EIPR1: variants seen among roughly 807,000 people sequenced by gnomAD.
EIPR1 encodes EARP and GARP complex-interacting protein 1.
EIPR1 carries 25 observed loss-of-function variants against 48.1 expected under a neutral mutation model. That is an observed-to-expected ratio of 0.52 (90% CI 0.38 to 0.73). EIPR1 has a LOEUF of 0.73. EIPR1 is among the 30% of genes least tolerant of loss of function. The probability of loss-of-function intolerance (pLI) is 0.00; values close to 1 mark genes in which losing one functional copy is unlikely to be tolerated. For synonymous variants in EIPR1, 204 were observed against 201.9 expected, an observed-to-expected ratio of 1.01 and a Z score of -0.09; for missense variants, 415 against 506.2, an observed-to-expected ratio of 0.82 and a Z score of 1.73.
chr2:3,293,384 G>A (rs924490534), intron 3 of EIPR1, among the ~76,000 whole-genome samples: 1 of 152,212 alleles, frequency 6.6e-6, no homozygotes, highest in Admixed American at 6.5e-5. Flanking sequence ...TAGCCTGTGA[G>A]TCCATGCGTG....
intron 1 of EIPR1, among the ~76,000 whole-genome samples, chr2:3,355,848 ATAAT>A (rs1419976421): frequency 6.6e-6 from 1 of 152,074 alleles, no homozygotes; most frequent in African/African-American, 2.4e-5. Context: ...AAATGAATAA[ATAAT>A]TAAAATAGCC....
At chr2:3,366,400 A>G (rs1200251872) in intron 1 of EIPR1, among the ~76,000 whole-genome samples, 1 of 152,238 alleles carries the variant, frequency 6.6e-6, no homozygotes, top group African/African-American at 2.4e-5. Context: ...GACGGAAATT[A>G]AAACTTCCAG....
chr2:3,262,608 G>A (rs1376955820), intron 3 of EIPR1, among the ~76,000 whole-genome samples: 2 of 152,210 alleles, frequency 1.3e-5, no homozygotes, highest in African/African-American at 2.4e-5. Context: ...TTCTGGGGAC[G>A]CCTAGTAGAC....
intron 5 of EIPR1, among the ~76,000 whole-genome samples, chr2:3,197,866 G>A (rs1329380165): frequency 6.6e-6 from 1 of 152,246 alleles, no homozygotes; most frequent in Non-Finnish European, 1.5e-5. Context: ...AGCCCTCTGA[G>A]AGGAGCCTGA....
chr2:3,299,450 G>C (rs1348533682), intron 3 of EIPR1, among the ~76,000 whole-genome samples: 1 of 152,122 alleles, frequency 6.6e-6, no homozygotes, highest in African/African-American at 2.4e-5. Flanking sequence ...ACTGGGCGCG[G>C]CCTTGTTACG....
chr2:3,287,842 A>AG lies in EIPR1; in HGVS notation c.260-30388_260-30387insC, dbSNP rs1179826727. Reference sequence around the variant, plus strand: ...TCACCATGCTCCAGAAAGCTCATTCACCATGCTCCAGAAAGCTCATTCACC... The same window carrying AG: ...TCACCATGCTCCAGAAAGCTCATTCAGCCATGCTCCAGAAAGCTCATTCACC... On this transcript the variant is annotated intron_variant, in intron 3 of 8. Transcript: ENST00000382125. Among the ~76,000 whole-genome samples the AG allele has an allele frequency of 3.6e-3, 549 of 151,906 alleles. 4 individuals carry two copies. The highest frequency in any genetic ancestry group is 0.012 in the African/African-American group (507 of 41,194).
chr2:3,240,596 A>C (rs1383636088), intron 4 of EIPR1, among the ~76,000 whole-genome samples: 41 of 118,962 alleles, frequency 3.4e-4, no homozygotes, highest in Middle Eastern at 5.7e-3. Context: ...CTTCCTAAAG[A>C]AAAGCCAGCA....
chr2:3,229,471 T>C (rs1038067063), intron 4 of EIPR1, among the ~76,000 whole-genome samples: 1 of 152,254 alleles, frequency 6.6e-6, no homozygotes, highest in Non-Finnish European at 1.5e-5. Context: ...GCTTTGAGCT[T>C]GGCAAGCATG....
In EIPR1 at chr2:3,189,420, G is replaced by A. The variant is rs1419503077; in HGVS notation, c.1078C>T (p.Pro360Ser). Residue 360 changes from proline (P) to serine (S), a missense_variant, in exon 9 of 9, where the codon CCG becomes TCG. Coordinates refer to ENST00000382125, the MANE Select transcript of EIPR1 (RefSeq NM_003310.5). This position sits in a 1 kb window ranked among gnomAD's most constrained non-coding sequence, Gnocchi z 4.6. ...VYAVDWSSADPWLFASLSYDG... is the reference protein window; with the variant it reads ...VYAVDWSSADSWLFASLSYDG... ...TAGCTCAGGGAGGCAAACAGCCACG[G>A]GTCAGCCGAGGACCAGTCCACGGCA... is the stretch of plus-strand genomic sequence containing the variant. 3 of 1,599,028 alleles carry A rather than the reference G, an allele frequency of 1.9e-6. No individual in the cohort carries two copies. Among genetic ancestry groups the A allele is most frequent in the African/African-American group, 1.3e-5 (1 of 74,784 alleles).
intron 5 of EIPR1, 39 bp from the exon 6 acceptor site, chr2:3,197,056 G>C (rs376759454): frequency 3.1e-6 from 5 of 1,609,928 alleles, no homozygotes; most frequent in Non-Finnish European, 4.2e-6. Context: ...AAGAAGAAAA[G>C]AAGAAGAATG....
chr2:3,280,445 C>A (rs1040399208), intron 3 of EIPR1, among the ~76,000 whole-genome samples: 8 of 152,132 alleles, frequency 5.3e-5, no homozygotes, highest in Non-Finnish European at 1.2e-4. Context: ...GGATGGGCCG[C>A]GGGTGAGTGG....
intron 2 of EIPR1, among the ~76,000 whole-genome samples, chr2:3,343,029 CTATAA>C (rs1670297798): frequency 6.6e-6 from 1 of 152,202 alleles, no homozygotes; most frequent in East Asian, 1.9e-4. Context: ...TAAAACAGCC[CTATAA>C]TATATTACTA....
chr2:3,195,894 C>G (rs1664785842), intron 6 of EIPR1, among the ~76,000 whole-genome samples: 1 of 152,202 alleles, frequency 6.6e-6, no homozygotes. Flanking sequence ...CCATCAAAGC[C>G]ACGGGCATCT....
In EIPR1 at chr2:3,194,068, C is replaced by G. The variant is rs767766683; in HGVS notation, c.752G>C (p.Cys251Ser). The G allele has an allele frequency of 1.2e-6, 2 of 1,613,952 alleles. No homozygotes were observed. Among genetic ancestry groups the G allele is most frequent in the South Asian group, 1.1e-5 (1 of 91,084 alleles). Residue 251 changes from cysteine (C) to serine (S), a missense_variant, in exon 7 of 9, where the codon TGT (cysteine) becomes TCT (serine). Coordinates refer to ENST00000382125, the MANE Select transcript of EIPR1 (RefSeq NM_003310.5). ...QYYLASCGDDCKVKFWDTRNV... is the reference protein window; with the variant it reads ...QYYLASCGDDSKVKFWDTRNV... ...TCGGGTGTCCCAGAACTTCACCTTACAGTCGTCTCCGCAGCTGGCCAAGTA... is the reference window on the plus strand; with the variant it reads ...TCGGGTGTCCCAGAACTTCACCTTAGAGTCGTCTCCGCAGCTGGCCAAGTA...
intron 3 of EIPR1, among the ~76,000 whole-genome samples, chr2:3,259,919 C>T (rs1667274430): frequency 6.6e-6 from 1 of 152,118 alleles, no homozygotes; most frequent in Admixed American, 6.5e-5. Context: ...TACTCAAAAA[C>T]CAATTCCAGC....
intron 3 of EIPR1, among the ~76,000 whole-genome samples, chr2:3,299,296 G>T (rs1440530575): frequency 6.6e-6 from 1 of 152,026 alleles, no homozygotes; most frequent in Non-Finnish European, 1.5e-5. Flanking sequence ...CCCCCGTCCT[G>T]CCGTGCTCGG....
intron 5 of EIPR1, among the ~76,000 whole-genome samples, chr2:3,207,319 C>T (rs1665271552): frequency 6.6e-6 from 1 of 152,162 alleles, no homozygotes; most frequent in African/African-American, 2.4e-5. Flanking sequence ...AAGGGGACCT[C>T]GTTTTGCAGG....
intron 1 of EIPR1, among the ~76,000 whole-genome samples, chr2:3,370,258 C>A (rs1464022239): frequency 6.6e-6 from 1 of 152,104 alleles, no homozygotes; most frequent in Non-Finnish European, 1.5e-5. Context: ...CATCAAAGAC[C>A]AAAAGTAGAT....
intron 6 of EIPR1, among the ~76,000 whole-genome samples, chr2:3,194,844 C>T (rs1446939891): frequency 1.3e-5 from 2 of 152,152 alleles, no homozygotes; most frequent in Non-Finnish European, 2.9e-5. Flanking sequence ...GCTTGCCATT[C>T]CACTGTCCAC....
Sources: gnomAD v4.1 joint callset for allele counts (sites outside exome capture counted in the v4.1 genomes callset) on GRCh38, gnomAD v4.1.1 for gene constraint, Gnocchi (gnomAD v3.1) non-coding constraint, MANE v1.5 for transcripts, NCBI Gene and HGNC (gene_info 2026-07-23, HGNC 2026-07-21) for gene names.